The following EIPR1 variants were observed in gnomAD, a reference collection of about 807,000 sequenced individuals.
EIPR1 encodes EARP complex and GARP complex interacting protein 1.
EIPR1 carries 25 observed loss-of-function variants against 48.1 expected under a neutral mutation model. The observed-to-expected ratio is 0.52, with a 90% CI of 0.38 to 0.73. EIPR1 has a LOEUF of 0.73. EIPR1 is among the 30% of genes least tolerant of loss of function. The probability of loss-of-function intolerance (pLI) is 0.00; values close to 1 mark genes in which losing one functional copy is unlikely to be tolerated. For synonymous variants in EIPR1, 204 were observed against 201.9 expected, an observed-to-expected ratio of 1.01 and a Z score of -0.09; for missense variants, 415 against 506.2, an observed-to-expected ratio of 0.82 and a Z score of 1.73.
intron 6 of EIPR1, 85 bp downstream of exon 6, chr2:3,196,796 G>A: frequency 6.5e-7 from 1 of 1,527,644 alleles, no homozygotes; most frequent in Non-Finnish European, 8.8e-7. Context: ...AAGGCATGTG[G>A]CTCACCATCA....
Position 3,194,004 on chromosome 2 carries a change from G to A in EIPR1, c.816C>T (p.Ser272=), listed in dbSNP as rs1664703170. The A allele has an allele frequency of 3.7e-6, 6 of 1,613,588 alleles. No individual in the cohort carries two copies. In the East Asian group the frequency reaches 6.7e-5, roughly 18 times the overall value. Residue 272 remains serine, a synonymous_variant, in exon 7 of 9, where the codon TCC becomes TCT. Coordinates refer to ENST00000382125, the MANE Select transcript of EIPR1 (RefSeq NM_003310.5). The stretch of plus-strand genomic sequence containing the variant: ...GCAGCCAGGAGCGGCCCTACCAGTG[G>A]GAGTGCTCCTCCAGGGTCTTCACGG... ...TEPVKTLEEH[S]HWVWNVRYNH... is the part of the protein sequence containing the mutation.
chr2:3,297,486 A>T (rs1668637679), intron 3 of EIPR1, among the ~76,000 whole-genome samples: 1 of 152,236 alleles, frequency 6.6e-6, no homozygotes, highest in Admixed American at 6.5e-5. Context: ...ACGGAGTTCA[A>T]CCAGTTTCAG....
At chr2:3,375,162 C>T (rs13396786) in intron 1 of EIPR1, among the ~76,000 whole-genome samples, 112,128 of 147,182 alleles carry the variant, frequency 0.76, 43,637 homozygotes, top group Non-Finnish European at 0.85. Context: ...TTCTCACTCA[C>T]AGATGGGAAT....
At chr2:3,343,345 G>A (rs1179516798) in intron 2 of EIPR1, among the ~76,000 whole-genome samples, 1 of 152,242 alleles carries the variant, frequency 6.6e-6, no homozygotes, top group Admixed American at 6.5e-5. Context: ...CGCAGGTACA[G>A]GCCGGCTCCG....
intron 3 of EIPR1, among the ~76,000 whole-genome samples, chr2:3,282,983 A>C (rs530258004): frequency 6.6e-6 from 1 of 152,354 alleles, no homozygotes; most frequent in Non-Finnish European, 1.5e-5. Context: ...ATAGCCCTGA[A>C]TACCTAGGGG....
At chr2:3,205,843 C>A (rs766337441) in intron 5 of EIPR1, among the ~76,000 whole-genome samples, 8 of 152,208 alleles carry the variant, frequency 5.3e-5, no homozygotes, top group Non-Finnish European at 1.2e-4. Flanking sequence ...AAAGGACCCA[C>A]GCTGCAGGGT....
intron 6 of EIPR1, among the ~76,000 whole-genome samples, chr2:3,195,392 T>A (rs921003751): frequency 1.3e-5 from 2 of 152,208 alleles, no homozygotes; most frequent in African/African-American, 2.4e-5. Context: ...TTTGCTTCCT[T>A]TATCTGAAGA....
At chr2:3,336,889 GAAGGGAAGGGAA>G (rs1558306955) in intron 3 of EIPR1, among the ~76,000 whole-genome samples, 5 of 67,116 alleles carry the variant, frequency 7.4e-5, no homozygotes, top group Admixed American at 1.8e-4. Context: ...AGGGAAAAGG[GAAGGGAAGGGAA>G]AAGGGAAGGG....
At chr2:3,300,109 A>C (rs1240415641) in intron 3 of EIPR1, among the ~76,000 whole-genome samples, 4 of 152,246 alleles carry the variant, frequency 2.6e-5, no homozygotes, top group Non-Finnish European at 4.4e-5. Context: ...TATAGGTCAA[A>C]AAGGGTCAAA....
chr2:3,326,118 T>C (rs889144893), intron 3 of EIPR1, among the ~76,000 whole-genome samples: 6 of 152,216 alleles, frequency 3.9e-5, no homozygotes, highest in Admixed American at 6.5e-5. Flanking sequence ...GGACTGGGCA[T>C]AAGGTGTGCT....
At chr2:3,324,354 G>A (rs1669626800) in intron 3 of EIPR1, among the ~76,000 whole-genome samples, 1 of 152,200 alleles carries the variant, frequency 6.6e-6, no homozygotes, top group African/African-American at 2.4e-5. Context: ...CACCATTCCC[G>A]GCACCCACCT....
Position 3,231,991 on chromosome 2 carries a change from G to A in EIPR1, c.417-17743C>T, listed in dbSNP as rs564223261. 2.0e-5 allele frequency among the ~76,000 whole-genome samples: 3 copies of A among 152,238 alleles called. No homozygotes were observed. The South Asian group carries it at 6.2e-4, about 32-fold the overall frequency. On this transcript the variant is annotated intron_variant, in intron 4 of 8. Coordinates refer to ENST00000382125, the MANE Select transcript of EIPR1 (RefSeq NM_003310.5). Reference sequence around the variant, plus strand: ...GGCTTTTCTTTGTTGGGAGATTTTTGATTACTGATTTAATCTCTACTCATT... The same window carrying A: ...GGCTTTTCTTTGTTGGGAGATTTTTAATTACTGATTTAATCTCTACTCATT...
At chr2:3,252,043 G>T (rs1209108058) in intron 4 of EIPR1, among the ~76,000 whole-genome samples, 1 of 152,178 alleles carries the variant, frequency 6.6e-6, no homozygotes, top group Non-Finnish European at 1.5e-5. Context: ...CATGAGTGAG[G>T]TAATGCATGC....
chr2:3,339,193 G>C (rs900461957), intron 2 of EIPR1, among the ~76,000 whole-genome samples: 2 of 152,162 alleles, frequency 1.3e-5, no homozygotes, highest in African/African-American at 4.8e-5. Flanking sequence ...AAAAATGTAC[G>C]CGTGTCCAAA....
chr2:3,370,385 G>A (rs1386556787), intron 1 of EIPR1, among the ~76,000 whole-genome samples: 6 of 152,292 alleles, frequency 3.9e-5, no homozygotes, highest in Non-Finnish European at 7.3e-5. Context: ...AAAGCTGGAC[G>A]GAGAATGACT....
At chr2:3,195,746 T>C (rs1664781164) in intron 6 of EIPR1, among the ~76,000 whole-genome samples, 1 of 152,124 alleles carries the variant, frequency 6.6e-6, no homozygotes, top group African/African-American at 2.4e-5. Context: ...AAAGGCATCC[T>C]GGCTCCATGC....
At chr2:3,358,669 C>G (rs1670788582) in intron 1 of EIPR1, among the ~76,000 whole-genome samples, 1 of 152,196 alleles carries the variant, frequency 6.6e-6, no homozygotes, top group Non-Finnish European at 1.5e-5. Context: ...CAGCAAGTCA[C>G]AGAGCCTCTG....
chr2:3,234,501 A>G lies in EIPR1; in HGVS notation c.417-20253T>C, dbSNP rs529413676. 9.8e-5 allele frequency among the ~76,000 whole-genome samples: 15 copies of G among 152,342 alleles called. No individual in the cohort carries two copies. In the East Asian group the frequency reaches 2.5e-3, roughly 26 times the overall value. On this transcript the variant is annotated intron_variant, in intron 4 of 8. Transcript: ENST00000382125. ...AGGGCCCTGTGTCACGACGCTCCAC[A>G]CTGGGGAGGCCCAACATGGTGAATG...
chr2:3,269,699 A>G lies in EIPR1; in HGVS notation c.260-12244T>C, dbSNP rs887940553. ...ATCGCAATCATCGCACTCAATCATC[A>G]CACTCAATCATCGCACTCAATCATC... On this transcript the variant is annotated intron_variant, in intron 3 of 8. Transcript: ENST00000382125. Among the ~76,000 whole-genome samples the G allele has an allele frequency of 8.8e-4, 108 of 122,102 alleles. 1 individual carries two copies. The highest frequency in any genetic ancestry group is 3.9e-3 in the Admixed American group (48 of 12,366). The allele number at this position is 122,102 out of a possible 152,430, so 80.1% of individuals were successfully genotyped here. A position where few individuals can be genotyped will look rare whatever the true frequency, so the allele number is the denominator to read the frequency against.
Sources: allele counts gnomAD v4.1 joint callset (sites outside exome capture counted in the v4.1 genomes callset), GRCh38; gene constraint gnomAD v4.1.1; transcripts MANE v1.5; gene names NCBI Gene and HGNC (gene_info 2026-07-23, HGNC 2026-07-21).